The following ROBO2 variants were observed in gnomAD, a reference collection of about 807,000 sequenced individuals.
The protein encoded by ROBO2 is roundabout guidance receptor 2.
In ROBO2, 53 loss-of-function variants were observed where a neutral mutation model predicts 160.8. The ratio of observed to expected loss-of-function variants is 0.33; its 90% CI spans 0.26 to 0.41. The LOEUF (loss-of-function observed/expected upper bound fraction) is 0.41, where lower values mean the gene tolerates loss of function less well. Among genes scored for constraint, ROBO2 ranks in the 10% least tolerant of loss-of-function variants. ROBO2 has a pLI of 1.00. For synonymous variants in ROBO2, 664 were observed against 611.7 expected, an observed-to-expected ratio of 1.09 and a Z score of -1.26; for missense variants, 1,577 against 1,722.4, an observed-to-expected ratio of 0.92 and a Z score of 1.49.
intron 1 of ROBO2, among the ~76,000 whole-genome samples, chr3:77,052,652 T>C (rs1158486547): frequency 6.6e-6 from 1 of 152,210 alleles, no homozygotes; most frequent in East Asian, 1.9e-4. Flanking sequence ...TTGTGGCTAC[T>C]GTCAAATACA....
At chr3:76,986,307 G>T (rs139081864) in intron 2 of ROBO2, among the ~76,000 whole-genome samples, 1 of 152,002 alleles carries the variant, frequency 6.6e-6, no homozygotes, top group African/African-American at 2.4e-5. Context: ...AAAATTCTGA[G>T]GAGTTACCTC....
At chr3:76,076,763 G>C (rs1167796135) in intron 2 of ROBO2, among the ~76,000 whole-genome samples, 2 of 152,152 alleles carry the variant, frequency 1.3e-5, no homozygotes, top group Non-Finnish European at 2.9e-5. Context: ...TTCCAAAAGA[G>C]CATATAACCT....
chr3:77,214,600 G>A (rs1252385835), intron 2 of ROBO2, among the ~76,000 whole-genome samples: 7 of 152,052 alleles, frequency 4.6e-5, no homozygotes, highest in African/African-American at 1.4e-4. Context: ...GTATTGTTAT[G>A]TGTGAATTTG....
At chr3:76,257,556 C>T (rs1162327749) in intron 2 of ROBO2, among the ~76,000 whole-genome samples, 1 of 152,154 alleles carries the variant, frequency 6.6e-6, no homozygotes, top group Non-Finnish European at 1.5e-5. Context: ...TATTTCTGTA[C>T]TCTCCATATT....
intron 2 of ROBO2, among the ~76,000 whole-genome samples, chr3:76,160,419 A>G (rs2072575653): frequency 6.6e-6 from 1 of 150,626 alleles, no homozygotes; most frequent in African/African-American, 2.4e-5. Flanking sequence ...AGTAATTGAG[A>G]TTTCTATGAT....
At chr3:77,362,712 C>A (rs2070216178) in intron 2 of ROBO2, among the ~76,000 whole-genome samples, 1 of 152,044 alleles carries the variant, frequency 6.6e-6, no homozygotes, top group Non-Finnish European at 1.5e-5. Flanking sequence ...AAGACATACC[C>A]AAGACTGGGT....
At chr3:77,566,332 C>A (rs1483106631) in intron 12 of ROBO2, among the ~76,000 whole-genome samples, 2 of 151,920 alleles carry the variant, frequency 1.3e-5, no homozygotes, top group Non-Finnish European at 2.9e-5. Flanking sequence ...AGGTAAAGAA[C>A]CTGTCTCTTG....
Position 77,642,739 on chromosome 3 carries a change from G to T in ROBO2, c.3935-1965G>T, listed in dbSNP as rs150992354. 6.6e-6 allele frequency: 3 copies of T among 456,700 alleles called. No individual in the cohort carries two copies. The East Asian group carries it at 2.1e-4, about 32-fold the overall frequency. 28.3% of individuals were successfully genotyped at this position (456,700 alleles called of 1,614,324 possible). A position where few individuals can be genotyped will look rare whatever the true frequency, so the allele number is the denominator to read the frequency against. ...GCAGCAAATAGGCCCGAGCCAGCAG[G>T]CTGGTAACGTGGAAAACTCAGCAGA... is the stretch of plus-strand genomic sequence containing the variant. On this transcript the variant is annotated intron_variant, in intron 24 of 25. Transcript: ENST00000461745.
rs140647979 is a variant in ROBO2, at chr3:77,251,683, A to G, written c.388+153343A>G. ...GTTGTTAGGAGGGACCTAGGGGGAG[A>G]TGATTGAATCACGGGGGCGGTCTCC... On this transcript the variant is annotated intron_variant, in intron 2 of 25. Coordinates refer to ENST00000461745, the Ensembl canonical transcript of ROBO2. Among the ~76,000 whole-genome samples, 111 of 152,074 alleles carry G rather than the reference A, an allele frequency of 7.3e-4. 3 individuals carry two copies. In the East Asian group the frequency reaches 0.017, roughly 23 times the overall value.
At chr3:76,667,231 T>C (rs1309833831) in intron 2 of ROBO2, among the ~76,000 whole-genome samples, 3 of 152,142 alleles carry the variant, frequency 2.0e-5, no homozygotes, top group African/African-American at 7.2e-5. Flanking sequence ...GGGTTGGTTA[T>C]TGATAGATAA....
At chr3:76,268,704 T>C (rs1019116796) in intron 2 of ROBO2, among the ~76,000 whole-genome samples, 3 of 152,174 alleles carry the variant, frequency 2.0e-5, no homozygotes, top group African/African-American at 4.8e-5. Flanking sequence ...AGGTACACAA[T>C]TCAGTCCATA....
At chr3:76,108,576 C>T (rs1181354963) in intron 2 of ROBO2, among the ~76,000 whole-genome samples, 1 of 151,626 alleles carries the variant, frequency 6.6e-6, no homozygotes, top group Admixed American at 6.6e-5. Context: ...ATACTTTTCC[C>T]ATTAAAAGTG....
intron 2 of ROBO2, among the ~76,000 whole-genome samples, chr3:76,343,431 G>C (rs765570565): frequency 6.6e-6 from 1 of 151,946 alleles, no homozygotes; most frequent in Non-Finnish European, 1.5e-5. Context: ...ATCTGCATAA[G>C]GTGATTTATC....
At chr3:77,399,453 C>A (rs185919163) in intron 2 of ROBO2, among the ~76,000 whole-genome samples, 162 of 152,232 alleles carry the variant, frequency 1.1e-3, no homozygotes, top group Non-Finnish European at 2.0e-3. Flanking sequence ...AATCACAATT[C>A]AGTACAGCTT....
At chr3:76,751,326 G>C (rs1345895354) in intron 2 of ROBO2, among the ~76,000 whole-genome samples, 1 of 152,132 alleles carries the variant, frequency 6.6e-6, no homozygotes, top group Admixed American at 6.6e-5. Context: ...AGACTTACAT[G>C]TTAGACCTAA....
chr3:77,610,137 A>G (rs1191339738), intron 21 of ROBO2, among the ~76,000 whole-genome samples: 1 of 151,998 alleles, frequency 6.6e-6, no homozygotes, highest in African/African-American at 2.4e-5. Context: ...TCGGTAAACC[A>G]TATGATACTG....
At chr3:76,208,588 C>T (rs749577346) in intron 2 of ROBO2, among the ~76,000 whole-genome samples, 5 of 152,152 alleles carry the variant, frequency 3.3e-5, no homozygotes, top group East Asian at 1.9e-4. Flanking sequence ...AAAATGTGAA[C>T]GCTAAAGTAA....
chr3:77,223,651 G>T (rs1370888243), intron 2 of ROBO2, among the ~76,000 whole-genome samples: 1 of 152,000 alleles, frequency 6.6e-6, no homozygotes, highest in Non-Finnish European at 1.5e-5. Flanking sequence ...ATATATCTGT[G>T]CTAGCTTGGT....
intron 1 of ROBO2, among the ~76,000 whole-genome samples, chr3:77,076,288 A>G (rs2067994048): frequency 1.3e-5 from 2 of 152,036 alleles, no homozygotes; most frequent in African/African-American, 2.4e-5. Context: ...GCTTTGTTCT[A>G]TGAAGACTCT....
Sources: gnomAD v4.1 joint callset for allele counts (sites outside exome capture counted in the v4.1 genomes callset) on GRCh38, gnomAD v4.1.1 for gene constraint, MANE v1.5 for transcripts, NCBI Gene and HGNC (gene_info 2026-07-23, HGNC 2026-07-21) for gene names.